Variants in RAPGEF4 observed in about 807,000 individuals in gnomAD.
The protein encoded by RAPGEF4 is Rap guanine nucleotide exchange factor 4.
RAPGEF4 carries 66 observed loss-of-function variants against 147.9 expected under a neutral mutation model. The observed-to-expected ratio is 0.45, with a 90% CI of 0.37 to 0.55. RAPGEF4 has a LOEUF of 0.55. RAPGEF4 is among the 20% of genes least tolerant of loss of function. The pLI is 0.00. For missense variants in RAPGEF4, 1,071 were observed against 1,257.3 expected, an observed-to-expected ratio of 0.85 and a Z score of 2.24; for synonymous variants, 419 against 442.7, an observed-to-expected ratio of 0.95 and a Z score of 0.67.
At chr2:173,048,740 TG>T in intron 30 of RAPGEF4, 86 bp downstream of exon 30, 1 of 1,591,198 alleles carries the variant, frequency 6.3e-7, no homozygotes, top group Non-Finnish European at 8.5e-7. Flanking sequence ...CCTTGGAGCC[TG>T]GGAAATATCT....
chr2:172,971,662 A>G (rs1022814787), intron 10 of RAPGEF4, among the ~76,000 whole-genome samples: 3 of 152,144 alleles, frequency 2.0e-5, no homozygotes, highest in African/African-American at 7.2e-5. Context: ...TTCTGCTGGA[A>G]TAAGAGCTCT....
chr2:173,044,419 A>G (rs1360688062), intron 29 of RAPGEF4, among the ~76,000 whole-genome samples: 3 of 152,320 alleles, frequency 2.0e-5, no homozygotes, highest in Admixed American at 1.3e-4. Context: ...CCACTCTGCA[A>G]CGCAGGCCCC....
intron 4 of RAPGEF4, among the ~76,000 whole-genome samples, chr2:172,893,247 C>T (rs1698126779): frequency 6.6e-6 from 1 of 152,186 alleles, no homozygotes; most frequent in Non-Finnish European, 1.5e-5. Flanking sequence ...AGAGAGGAAA[C>T]ACATTAGATG....
intron 21 of RAPGEF4, among the ~76,000 whole-genome samples, chr2:173,018,185 A>G (rs1695679295): frequency 1.3e-5 from 2 of 152,318 alleles, no homozygotes; most frequent in East Asian, 1.9e-4. Context: ...CCGAGCTTAC[A>G]TGGCCTGGCC....
At chr2:172,809,675 C>T (rs1025765527) in intron 3 of RAPGEF4, among the ~76,000 whole-genome samples, 1 of 152,090 alleles carries the variant, frequency 6.6e-6, no homozygotes, top group African/African-American at 2.4e-5. Flanking sequence ...GGACCATAGG[C>T]AAACACCAAT....
At chr2:172,921,828 A>G (rs181127032) in intron 5 of RAPGEF4, among the ~76,000 whole-genome samples, 3 of 152,356 alleles carry the variant, frequency 2.0e-5, no homozygotes, top group East Asian at 1.9e-4. Flanking sequence ...TTGTTTTCCA[A>G]TGTCTTTCAT....
At chr2:172,783,760 T>C (rs568361177) in intron 1 of RAPGEF4, among the ~76,000 whole-genome samples, 1 of 147,954 alleles carries the variant, frequency 6.8e-6, no homozygotes, top group African/African-American at 2.5e-5. Flanking sequence ...GTGTATGTGC[T>C]TGTGTGTATG....
intron 1 of RAPGEF4, among the ~76,000 whole-genome samples, chr2:172,761,994 C>T (rs2149468903): frequency 6.6e-6 from 1 of 152,220 alleles, no homozygotes; most frequent in East Asian, 1.9e-4. Flanking sequence ...TGGTAACGAG[C>T]ACCTGTAATC....
At chr2:172,921,984 A>G (rs947454337) in intron 5 of RAPGEF4, among the ~76,000 whole-genome samples, 1 of 152,216 alleles carries the variant, frequency 6.6e-6, no homozygotes, top group South Asian at 2.1e-4. Context: ...AGTTGTTTTC[A>G]TGGTGAGAAT....
At chr2:172,921,878 G>A (rs903159729) in intron 5 of RAPGEF4, among the ~76,000 whole-genome samples, 1 of 152,226 alleles carries the variant, frequency 6.6e-6, no homozygotes, top group African/African-American at 2.4e-5. Flanking sequence ...GAGCCGAGTG[G>A]AGTGGTTTGC....
chr2:172,830,728 T>C (rs1559064165), intron 4 of RAPGEF4, among the ~76,000 whole-genome samples: 1 of 152,226 alleles, frequency 6.6e-6, no homozygotes, highest in Non-Finnish European at 1.5e-5. Context: ...CTTAGCCTCC[T>C]GTGTAGCCAG....
rs1697052673 is a variant in RAPGEF4 at position 173,030,190 on chromosome 2, C to A, written c.2585C>A (p.Ser862Tyr). ...AHCKEYKNLN[S>Y]FFAIVMGLSN... Reference sequence around the variant, plus strand: ...TGTAAGGAGTATAAAAATCTGAATTCCTTTTTTGCCATCGTCATGGGACTA... The same window carrying A: ...TGTAAGGAGTATAAAAATCTGAATTACTTTTTTGCCATCGTCATGGGACTA... The change falls in exon 26 of 31, where the codon TCC (serine) becomes TAC (tyrosine). Residue 862 changes from serine (S) to tyrosine (Y), a missense_variant. Physicochemically the swap from Ser to Tyr is moderately radical, Grantham distance 144. Coordinates refer to ENST00000397081, the MANE Select transcript of RAPGEF4 (RefSeq NM_007023.4). 1 of 1,613,320 alleles carries A rather than the reference C, an allele frequency of 6.2e-7. No homozygotes were observed.
intron 3 of RAPGEF4, among the ~76,000 whole-genome samples, chr2:172,810,688 A>G (rs1687941511): frequency 6.6e-6 from 1 of 152,188 alleles, no homozygotes; most frequent in Non-Finnish European, 1.5e-5. Context: ...TGTTTTCCTA[A>G]CAGAATGAAG....
chr2:172,822,305 T>A (rs1689153635), intron 4 of RAPGEF4, among the ~76,000 whole-genome samples: 1 of 152,216 alleles, frequency 6.6e-6, no homozygotes, highest in Non-Finnish European at 1.5e-5. Context: ...TGAAATTACA[T>A]ACATGTATTT....
chr2:172,795,244 G>A, intron 2 of RAPGEF4, 77 bp downstream of exon 2: 2 of 1,399,278 alleles, frequency 1.4e-6, no homozygotes, highest in Non-Finnish European at 2.0e-6. Context: ...GAGATAAATA[G>A]CAAATGGAGT....
At chr2:172,790,643 A>T (rs1685719905) in intron 1 of RAPGEF4, among the ~76,000 whole-genome samples, 1 of 152,314 alleles carries the variant, frequency 6.6e-6, no homozygotes, top group Admixed American at 6.5e-5. Context: ...TCCAAAATGC[A>T]TATCCAAGCA....
chr2:172,741,585 C>T (rs938158716), intron 1 of RAPGEF4, among the ~76,000 whole-genome samples: 6 of 151,796 alleles, frequency 4.0e-5, no homozygotes, highest in Non-Finnish European at 8.8e-5. Flanking sequence ...TCCTCACCCA[C>T]CTTTGAAAAA....
intron 10 of RAPGEF4, among the ~76,000 whole-genome samples, chr2:172,971,774 A>G (rs1352154047): frequency 6.6e-6 from 1 of 151,974 alleles, no homozygotes; most frequent in Non-Finnish European, 1.5e-5. Context: ...TTGATCTGCT[A>G]ATAATCTTTG....
At chr2:172,777,976 GATATA>G (rs762072710) in intron 1 of RAPGEF4, among the ~76,000 whole-genome samples, 6 of 151,942 alleles carry the variant, frequency 3.9e-5, no homozygotes, top group African/African-American at 9.7e-5. Context: ...CTTTTATAGT[GATATA>G]ATATAATTTT....
Sources: allele counts gnomAD v4.1 joint callset (sites outside exome capture counted in the v4.1 genomes callset), GRCh38; gene constraint gnomAD v4.1.1; transcripts MANE v1.5; gene names NCBI Gene and HGNC (gene_info 2026-07-23, HGNC 2026-07-21).